The following DAB1 variants were observed in gnomAD, a reference collection of about 807,000 sequenced individuals.
DAB1 encodes DAB adaptor protein 1.
Under a neutral mutation model 64.6 loss-of-function variants are expected in DAB1, and 15 were observed. That is an observed-to-expected ratio of 0.23 (90% confidence interval 0.16 to 0.36). The LOEUF is 0.36. DAB1 is among the 10% of genes least tolerant of loss of function. The pLI, the probability that DAB1 is intolerant of heterozygous loss-of-function variation, is 1.00. For missense variants in DAB1, 596 were observed against 706.7 expected, an observed-to-expected ratio of 0.84 and a Z score of 1.78; for synonymous variants, 235 against 251.9, an observed-to-expected ratio of 0.93 and a Z score of 0.64.
At chr1:57,454,881 C>CA (rs1448381994) in intron 7 of DAB1, among the ~76,000 whole-genome samples, 1 of 151,644 alleles carries the variant, frequency 6.6e-6, no homozygotes, top group African/African-American at 2.4e-5. Context: ...TCTCTATCTT[C>CA]AAAAAAATAT....
intron 3 of DAB1, among the ~76,000 whole-genome samples, chr1:58,383,222 T>G (rs1644405075): frequency 6.6e-6 from 1 of 152,132 alleles, no homozygotes; most frequent in East Asian, 1.9e-4. Context: ...TGAGTACAGA[T>G]AGGTTAAATT....
chr1:57,490,479 T>C (rs1005280809), intron 7 of DAB1, among the ~76,000 whole-genome samples: 2 of 152,190 alleles, frequency 1.3e-5, no homozygotes, highest in African/African-American at 2.4e-5. Flanking sequence ...ATGTATAGGA[T>C]TGCCTAGGCT....
At chr1:58,048,384 T>C in intron 5 of DAB1, 1 of 940,404 alleles carries the variant, frequency 1.1e-6, no homozygotes, top group South Asian at 1.3e-5. Context: ...CCAAAACTGC[T>C]TCCACTGCCA....
At chr1:57,135,435 T>C (rs186993209) in intron 4 of DAB1, among the ~76,000 whole-genome samples, 2 of 152,322 alleles carry the variant, frequency 1.3e-5, no homozygotes, top group African/African-American at 2.4e-5. Flanking sequence ...AGGTCAGAAT[T>C]TTCTTCCATT....
In DAB1 at chr1:58,426,382, A is replaced by G. The variant is rs1644822153; in HGVS notation, n.257+79678T>C. ...ATTGAGGACACCTGCCATGAATTTG[A>G]CACTATGCTGAAGACTGAGAGTCAT... On this transcript the variant is annotated intron_variant and non_coding_transcript_variant, in intron 3 of 20. Coordinates refer to the DAB1 transcript ENST00000485760. Among the ~76,000 whole-genome samples the G allele has an allele frequency of 2.0e-5, 3 of 152,212 alleles. No homozygotes were observed. The South Asian group carries it at 6.2e-4, about 31-fold the overall frequency.
In DAB1 at chr1:57,482,038, G is replaced by T. The variant is rs1444033096; in HGVS notation, n.625+167554C>A. Among the ~76,000 whole-genome samples, 7 of 152,098 alleles carry T rather than the reference G, an allele frequency of 4.6e-5. No individual in the cohort carries two copies. In the East Asian group the frequency reaches 1.4e-3, roughly 29 times the overall value. ...ATGGATTCATGAATAATGCTATAGA[G>T]AATCCATTATTTAAAATATTAATAT... On this transcript the variant is annotated intron_variant and non_coding_transcript_variant, in intron 7 of 20. Transcript: ENST00000485760.
chr1:58,454,240 T>C (rs1645168748), intron 3 of DAB1, among the ~76,000 whole-genome samples: 1 of 152,130 alleles, frequency 6.6e-6, no homozygotes, highest in Admixed American at 6.5e-5. Flanking sequence ...TAATTGCCTC[T>C]GGAATTAACT....
chr1:58,276,427 G>C (rs984136901), intron 4 of DAB1, among the ~76,000 whole-genome samples: 1 of 152,146 alleles, frequency 6.6e-6, no homozygotes, highest in Non-Finnish European at 1.5e-5. Flanking sequence ...ATAAAATCTG[G>C]TTGGGAAGTT....
chr1:57,822,901 G>C (rs917754666), downstream of DAB1, among the ~76,000 whole-genome samples: 1 of 151,892 alleles, frequency 6.6e-6, no homozygotes, highest in African/African-American at 2.4e-5. Flanking sequence ...GGTAGGCTTT[G>C]AGTGTATTGA....
intron 3 of DAB1, among the ~76,000 whole-genome samples, chr1:58,416,395 T>C (rs989888210): frequency 3.3e-5 from 5 of 152,066 alleles, no homozygotes; most frequent in South Asian, 2.1e-4. Context: ...ATAGCAAGAG[T>C]ATTAATAATA....
At chr1:57,549,528 T>A (rs1039801543) in intron 7 of DAB1, among the ~76,000 whole-genome samples, 1 of 152,144 alleles carries the variant, frequency 6.6e-6, no homozygotes, top group Admixed American at 6.6e-5. Context: ...TGGGCACAGC[T>A]CCTGGAGAGC....
intron 3 of DAB1, among the ~76,000 whole-genome samples, chr1:58,424,430 A>C (rs1430721209): frequency 6.6e-6 from 1 of 152,174 alleles, no homozygotes; most frequent in Non-Finnish European, 1.5e-5. Context: ...ACATAAAATG[A>C]ACCATTTTGC....
At chr1:57,088,406 G>A (rs142381429) in intron 4 of DAB1, among the ~76,000 whole-genome samples, 3,316 of 152,290 alleles carry the variant, frequency 0.022, 125 homozygotes, top group African/African-American at 0.075. Flanking sequence ...TCAAAGCCAC[G>A]TCCCTAGGAT....
chr1:58,315,202 A>T (rs1484720535), intron 4 of DAB1, among the ~76,000 whole-genome samples: 1 of 152,218 alleles, frequency 6.6e-6, no homozygotes, highest in African/African-American at 2.4e-5. Flanking sequence ...ACTAACTAGT[A>T]AGGGTGCTTT....
At chr1:57,082,701 C>T (rs1652666780) in intron 4 of DAB1, among the ~76,000 whole-genome samples, 1 of 152,082 alleles carries the variant, frequency 6.6e-6, no homozygotes, top group African/African-American at 2.4e-5. Flanking sequence ...CCAACAGGCC[C>T]CAGTGTGTGT....
chr1:58,093,446 G>A (rs916510112), intron 5 of DAB1, among the ~76,000 whole-genome samples: 9 of 152,166 alleles, frequency 5.9e-5, no homozygotes, highest in African/African-American at 1.7e-4. Context: ...TGTGCCTTCT[G>A]TTAGATCTGT....
chr1:57,840,673 G>C (rs570760675), intron 1 of DAB1, among the ~76,000 whole-genome samples: 7 of 152,116 alleles, frequency 4.6e-5, no homozygotes, highest in African/African-American at 7.2e-5. Flanking sequence ...GCAGGAGAGA[G>C]AGTGAGCAAG....
At chr1:57,916,263 C>CCT (rs1372192931) in intron 5 of DAB1, among the ~76,000 whole-genome samples, 1 of 152,204 alleles carries the variant, frequency 6.6e-6, no homozygotes, top group Non-Finnish European at 1.5e-5. Flanking sequence ...GGCCAGCCCT[C>CCT]CTCTCTCCCA....
At chr1:58,146,984 C>A (rs143639231) in intron 5 of DAB1, among the ~76,000 whole-genome samples, 2 of 151,984 alleles carry the variant, frequency 1.3e-5, no homozygotes. Context: ...AGACGGGAAC[C>A]CTTGTATGCT....
Sources: gnomAD v4.1 joint callset for allele counts (sites outside exome capture counted in the v4.1 genomes callset) on GRCh38, gnomAD v4.1.1 for gene constraint, MANE v1.5 for transcripts, NCBI Gene and HGNC (gene_info 2026-07-23, HGNC 2026-07-21) for gene names.